The following TESK2 variants were observed in gnomAD, a reference collection of about 807,000 sequenced individuals.
The protein encoded by TESK2 is testis associated actin remodelling kinase 2.
A neutral mutation model predicts 57.1 loss-of-function variants in TESK2; 39 were observed. The ratio of observed to expected loss-of-function variants is 0.68; its 90% CI spans 0.53 to 0.89. The LOEUF (loss-of-function observed/expected upper bound fraction) is 0.89, where lower values mean the gene tolerates loss of function less well. Ranked by LOEUF, TESK2 falls within the 40% of genes least tolerant of loss-of-function variation. The pLI is 0.00. For missense variants in TESK2, 646 were observed against 732.1 expected (o/e 0.88, Z 1.36); for synonymous variants, 249 against 267.9 (o/e 0.93, Z 0.69).
At chr1:45,440,244 C>G (rs1651387764) in intron 2 of TESK2, among the ~76,000 whole-genome samples, 1 of 151,958 alleles carries the variant, frequency 6.6e-6, no homozygotes, top group South Asian at 2.1e-4. Flanking sequence ...AGCCACCACA[C>G]TTTGCCAAGG....
At chr1:45,389,744 T>C (rs1051169959) in intron 3 of TESK2, among the ~76,000 whole-genome samples, 1 of 152,192 alleles carries the variant, frequency 6.6e-6, no homozygotes, top group African/African-American at 2.4e-5. Flanking sequence ...TCCTCATCTA[T>C]AAAAATGGAC....
intron 1 of TESK2, among the ~76,000 whole-genome samples, chr1:45,462,185 A>G (rs927932574): frequency 3.9e-5 from 6 of 152,160 alleles, no homozygotes; most frequent in South Asian, 2.1e-4. Context: ...GCGTAAGAAC[A>G]TGCAAAGTTT....
intron 2 of TESK2, among the ~76,000 whole-genome samples, chr1:45,432,458 G>A (rs71500084): frequency 0.44 from 65,921 of 151,348 alleles, 15,461 homozygotes; most frequent in East Asian, 0.57. Context: ...TTTGGAGGCC[G>A]AGGCGGGCAG....
intron 3 of TESK2, among the ~76,000 whole-genome samples, chr1:45,402,505 T>C (rs1411173754): frequency 6.6e-6 from 1 of 150,958 alleles, no homozygotes; most frequent in Non-Finnish European, 1.5e-5. Context: ...TTTTTGAGAC[T>C]GAGTTTAGCT....
At chr1:45,413,882 AG>A (rs1650134079) in intron 3 of TESK2, 1 of 455,754 alleles carries the variant, frequency 2.2e-6, no homozygotes. Flanking sequence ...TATAAAAGAA[AG>A]CTTATAATGT....
intron 3 of TESK2, chr1:45,398,853 C>T (rs12734397): frequency 4.0e-5 from 16 of 403,554 alleles, no homozygotes; most frequent in African/African-American, 3.2e-4. Flanking sequence ...AACCTCAACA[C>T]TATTTTCCAC....
intron 3 of TESK2, among the ~76,000 whole-genome samples, chr1:45,410,378 C>T (rs531057871): frequency 4.6e-5 from 7 of 152,032 alleles, no homozygotes; most frequent in South Asian, 2.1e-4. Flanking sequence ...CCGAGGCAAA[C>T]GGATCACCTG....
intron 3 of TESK2, among the ~76,000 whole-genome samples, chr1:45,386,955 T>C (rs1471509319): frequency 6.6e-6 from 1 of 152,142 alleles, no homozygotes; most frequent in Non-Finnish European, 1.5e-5. Context: ...CCCAGCCCCA[T>C]ATGTAGTTTT....
At chr1:45,359,468 G>A (rs546572324) in intron 4 of TESK2, among the ~76,000 whole-genome samples, 139 of 152,130 alleles carry the variant, frequency 9.1e-4, no homozygotes, top group African/African-American at 2.8e-3. Flanking sequence ...GCTGAGGCAG[G>A]AGAATCACTT....
At chr1:45,357,519 CA>C (rs1647484160) in intron 4 of TESK2, among the ~76,000 whole-genome samples, 1 of 148,294 alleles carries the variant, frequency 6.7e-6, no homozygotes, top group South Asian at 2.1e-4. Flanking sequence ...TGCTGTTCAT[CA>C]TTCCTAAATA....
At chr1:45,435,210 T>C (rs1651146588) in intron 2 of TESK2, among the ~76,000 whole-genome samples, 1 of 152,122 alleles carries the variant, frequency 6.6e-6, no homozygotes, top group Non-Finnish European at 1.5e-5. Context: ...CACTGCAGCC[T>C]CAACTTCCTA....
chr1:45,427,403 T>C (rs1016581490), intron 2 of TESK2, among the ~76,000 whole-genome samples: 11 of 152,176 alleles, frequency 7.2e-5, no homozygotes, highest in Non-Finnish European at 1.5e-4. Context: ...GCAATCCCAC[T>C]GCTGGGTATA....
At chr1:45,460,572 G>A (rs536376461) in intron 1 of TESK2, among the ~76,000 whole-genome samples, 9 of 151,934 alleles carry the variant, frequency 5.9e-5, no homozygotes, top group Admixed American at 2.0e-4. Context: ...TCGGGTGCAG[G>A]GGCTCATTCC....
At chr1:45,471,042 C>A (rs972759395) in intron 1 of TESK2, among the ~76,000 whole-genome samples, 1 of 152,026 alleles carries the variant, frequency 6.6e-6, no homozygotes, top group African/African-American at 2.4e-5. Flanking sequence ...ACCATCCTGG[C>A]CAACATGGTG....
intron 4 of TESK2, among the ~76,000 whole-genome samples, chr1:45,383,855 C>T (rs2149273890): frequency 6.6e-6 from 1 of 152,234 alleles, no homozygotes; most frequent in East Asian, 1.9e-4. Context: ...ATCTGGGGTG[C>T]TGGTTATGGG....
chr1:45,386,511 T>TA (rs1648904596), intron 3 of TESK2, among the ~76,000 whole-genome samples: 1 of 152,198 alleles, frequency 6.6e-6, no homozygotes, highest in African/African-American at 2.4e-5. Flanking sequence ...TGTAGACTCT[T>TA]AATCTTTTTG....
intron 1 of TESK2, among the ~76,000 whole-genome samples, chr1:45,460,189 C>T (rs1213257280): frequency 1.3e-5 from 2 of 151,644 alleles, no homozygotes. Context: ...TGCACACATA[C>T]CTCCTGAATC....
intron 3 of TESK2, among the ~76,000 whole-genome samples, chr1:45,410,626 T>A (rs1302911311): frequency 6.6e-6 from 1 of 152,018 alleles, no homozygotes; most frequent in Non-Finnish European, 1.5e-5. Flanking sequence ...AATTTTTTTT[T>A]AAAACACTGC....
chr1:45,442,812 GTCTC>G (rs1017216005), intron 2 of TESK2, among the ~76,000 whole-genome samples: 18 of 152,054 alleles, frequency 1.2e-4, no homozygotes, highest in African/African-American at 3.9e-4. Context: ...TTTTGAGACA[GTCTC>G]TCTCTATCAC....
Sources: allele counts gnomAD v4.1 joint callset (sites outside exome capture counted in the v4.1 genomes callset), GRCh38; gene constraint gnomAD v4.1.1; transcripts MANE v1.5; gene names NCBI Gene and HGNC (gene_info 2026-07-23, HGNC 2026-07-21).